The following ENTPD6 variants were observed in gnomAD, a reference collection of about 807,000 sequenced individuals.
ENTPD6 encodes the protein CD39 antigen-like 2.
ENTPD6 carries 46 observed loss-of-function variants against 61.5 expected under a neutral mutation model. The ratio of observed to expected loss-of-function variants is 0.75; its 90% CI spans 0.59 to 0.96. ENTPD6 has a LOEUF of 0.96. Among genes scored for constraint, ENTPD6 ranks in the 40% least tolerant of loss-of-function variants. The pLI is 0.00. For synonymous variants in ENTPD6, 252 were observed against 255.5 expected, an observed-to-expected ratio of 0.99 and a Z score of 0.13; for missense variants, 612 against 629.0, an observed-to-expected ratio of 0.97 and a Z score of 0.29.
intron 1 of ENTPD6, among the ~76,000 whole-genome samples, chr20:25,199,510 A>G (rs2122439353): frequency 6.6e-6 from 1 of 152,336 alleles, no homozygotes; most frequent in African/African-American, 2.4e-5. Context: ...TACACATAAC[A>G]CAAAAATTAG....
chr20:25,225,240 C>T lies in ENTPD6; in HGVS notation c.1279C>T (p.Pro427Ser), dbSNP rs547176696. ...RTLETQPQSS[P>S]FSCMDLTYVS... ...CCTGGAGACACAGCCGCAGAGCAGCCCCTTCTCATGCATGGACCTCACCTA... is the reference window on the plus strand; with the variant it reads ...CCTGGAGACACAGCCGCAGAGCAGCTCCTTCTCATGCATGGACCTCACCTA... Residue 427 changes from proline (P) to serine (S), a missense_variant, in exon 14 of 15, where the codon CCC becomes TCC. By Grantham distance (74) the Pro-to-Ser change is moderately conservative (BLOSUM62 -1). Transcript: ENST00000376652. 2 of 1,613,572 alleles carry T rather than the reference C, an allele frequency of 1.2e-6. No individual in the cohort carries two copies. Among genetic ancestry groups the T allele is most frequent in the African/African-American group, 2.7e-5 (2 of 75,014 alleles).
At position 25,206,525 on chromosome 20, in the gene ENTPD6, T is replaced by C. The variant is rs915405525; in HGVS notation, c.-12T>C. On this transcript the variant is annotated 5_prime_UTR_variant, in exon 2 of 15. An upstream start codon of the reference 5' UTR is lost. Coordinates refer to ENST00000376652, the MANE Select transcript of ENTPD6 (RefSeq NM_001247.5). ...GACATTATTTTCTCCTTGGCAGGAA[T>C]GGGCTATGTGAATGAAAAAAGGTAT... The C allele has an allele frequency of 1.7e-5, 28 of 1,612,198 alleles. No individual in the cohort carries two copies. The highest frequency in any genetic ancestry group is 5.3e-5 in the African/African-American group (4 of 74,918).
intron 12 of ENTPD6, chr20:25,223,860 G>T: frequency 5.4e-6 from 2 of 367,478 alleles, no homozygotes; most frequent in East Asian, 4.0e-5. Flanking sequence ...GAGCTTTCTC[G>T]GGGGACACTG....
intron 4 of ENTPD6, 122 bp downstream of exon 4, chr20:25,210,047 A>C: frequency 1.1e-6 from 1 of 877,224 alleles, no homozygotes. Flanking sequence ...CTGCCTGGGC[A>C]TTTCATGCCA....
chr20:25,217,479 T>G, intron 8 of ENTPD6, 23 bp from the exon 9 acceptor site: 1 of 1,609,442 alleles, frequency 6.2e-7, no homozygotes, highest in Admixed American at 1.7e-5. Flanking sequence ...GCAGGAAACA[T>G]AGTTACCCTC....
At chr20:25,223,289 T>C (rs1306135802) in intron 12 of ENTPD6, among the ~76,000 whole-genome samples, 1 of 152,068 alleles carries the variant, frequency 6.6e-6, no homozygotes, top group Non-Finnish European at 1.5e-5. Flanking sequence ...CCTGCAGCCC[T>C]GGCTACAGGA....
intron 4 of ENTPD6, among the ~76,000 whole-genome samples, chr20:25,210,549 G>A (rs2091893667): frequency 6.6e-6 from 1 of 152,214 alleles, no homozygotes; most frequent in Non-Finnish European, 1.5e-5. Flanking sequence ...GGAGACTGAG[G>A]TGGGAGGATC....
intron 12 of ENTPD6, among the ~76,000 whole-genome samples, chr20:25,223,285 G>A (rs955345833): frequency 1.3e-5 from 2 of 152,214 alleles, no homozygotes; most frequent in African/African-American, 4.8e-5. Flanking sequence ...CTACCCTGCA[G>A]CCCTGGCTAC....
chr20:25,197,049 G>A (rs940942103), intron 1 of ENTPD6: 9 of 984,610 alleles, frequency 9.1e-6, no homozygotes, highest in Non-Finnish European at 1.1e-5. Context: ...AAAACCTACT[G>A]AAACCCACCA....
chr20:25,222,619 A>G, intron 11 of ENTPD6: 1 of 517,458 alleles, frequency 1.9e-6, no homozygotes, highest in Admixed American at 3.5e-5. Context: ...CACGGTCTTC[A>G]CTCCCTGCGC....
At chr20:25,215,263 C>T (rs1179912375) in intron 6 of ENTPD6, among the ~76,000 whole-genome samples, 1 of 152,360 alleles carries the variant, frequency 6.6e-6, no homozygotes, top group East Asian at 1.9e-4. Flanking sequence ...GTTGCCACCA[C>T]ATTTAGAATG....
In ENTPD6 at chr20:25,226,836, G is replaced by C. The variant is rs2092804463; in HGVS notation, c.*1239G>C. 2.0e-5 allele frequency: 3 copies of C among 152,294 alleles called. No individual in the cohort carries two copies. The allele number at this position is 152,294 out of a possible 1,614,324, so 9.4% of individuals were successfully genotyped here. A position where few individuals can be genotyped will look rare whatever the true frequency, so the allele number is the denominator to read the frequency against. ...AAGGGGGTGGCGTATTTCCAGTCCT[G>C]TCGACATCCCTCTCGAGGACACAGC... On this transcript the variant is annotated 3_prime_UTR_variant, in exon 15 of 15. Transcript: ENST00000376652.
chr20:25,198,730 GCCACGTCTCTTCTC>G (rs55659525), intron 1 of ENTPD6, among the ~76,000 whole-genome samples: 42,078 of 151,972 alleles, frequency 0.28, 6,612 homozygotes, highest in East Asian at 0.61. Context: ...CATTCCTAGT[GCCACGTCTCTTCTC>G]CCAGTCTCAG....
chr20:25,201,733 G>A (rs2091044800), intron 1 of ENTPD6, among the ~76,000 whole-genome samples: 1 of 152,194 alleles, frequency 6.6e-6, no homozygotes, highest in East Asian at 1.9e-4. Context: ...CCCCTCACCT[G>A]CAGTTGAAAA....
chr20:25,212,696 G>GT (rs1270902442), intron 4 of ENTPD6, among the ~76,000 whole-genome samples: 278 of 151,526 alleles, frequency 1.8e-3, no homozygotes, highest in South Asian at 7.7e-3. Context: ...TCTATAAGAA[G>GT]TTTTTTTTTG....
Position 25,210,269 on chromosome 20 carries a change from T to C in ENTPD6, c.453+344T>C, listed in dbSNP as rs150356344. Among the ~76,000 whole-genome samples, 21 of 152,372 alleles carry C rather than the reference T, an allele frequency of 1.4e-4. No individual in the cohort carries two copies. In the East Asian group the frequency reaches 3.5e-3, roughly 25 times the overall value. ...GCTTATTCAAATTTTTACGCTAATTTAGTCTTGTGAATTTTGCATAATACA... is the reference window on the plus strand; with the variant it reads ...GCTTATTCAAATTTTTACGCTAATTCAGTCTTGTGAATTTTGCATAATACA... On this transcript the variant is annotated intron_variant, in intron 4 of 14. Coordinates refer to ENST00000376652, the MANE Select transcript of ENTPD6 (RefSeq NM_001247.5).
chr20:25,211,447 C>G (rs139983351), intron 4 of ENTPD6, among the ~76,000 whole-genome samples: 160 of 152,320 alleles, frequency 1.1e-3, no homozygotes, highest in African/African-American at 3.8e-3. Flanking sequence ...CAGGCTGCCT[C>G]GGAGGCCCAC....
At chr20:25,212,423 G>T (rs1006848814) in intron 4 of ENTPD6, among the ~76,000 whole-genome samples, 11 of 152,218 alleles carry the variant, frequency 7.2e-5, no homozygotes, top group Non-Finnish European at 1.6e-4. Context: ...TCACCAGGCT[G>T]CAGTAGAACA....
At chr20:25,211,814 A>G (rs1289602655) in intron 4 of ENTPD6, among the ~76,000 whole-genome samples, 1 of 151,864 alleles carries the variant, frequency 6.6e-6, no homozygotes, top group African/African-American at 2.4e-5. Flanking sequence ...TGAAGTCTCT[A>G]TTTTTTTTCC....
Sources: gnomAD v4.1 joint callset for allele counts (sites outside exome capture counted in the v4.1 genomes callset) on GRCh38, gnomAD v4.1.1 for gene constraint, MANE v1.5 for transcripts, NCBI Gene and HGNC (gene_info 2026-07-23, HGNC 2026-07-21) for gene names.